Variants in AZIN2 observed in about 807,000 individuals in gnomAD.
AZIN2 encodes antizyme inhibitor 2.
Under a neutral mutation model 47.8 loss-of-function variants are expected in AZIN2, and 28 were observed. The ratio of observed to expected loss-of-function variants is 0.59; its 90% CI spans 0.43 to 0.80. The LOEUF (loss-of-function observed/expected upper bound fraction) is 0.80. Among genes scored for constraint, AZIN2 ranks in the 30% least tolerant of loss-of-function variants. AZIN2 has a pLI of 0.00. For synonymous variants in AZIN2, 221 were observed against 239.4 expected (o/e 0.92, Z 0.71); for missense variants, 535 against 582.5 (o/e 0.92, Z 0.84).
chr1:33,138,330 G>C, the AZIN2 span, among the ~76,000 whole-genome samples: 7 of 152,122 alleles, frequency 4.6e-5, no homozygotes, highest in Non-Finnish European at 8.8e-5. Flanking sequence ...TGGAACAATA[G>C]GCAAAGTGGT....
Position 33,093,396 on chromosome 1 carries a change from T to C in AZIN2, c.567T>C (p.His189=), listed in dbSNP as rs760242294. ...RHLLENAKKH[H]VEVVGVSFHI... is the part of the protein sequence containing the mutation. ...TGCTTGAAAATGCGAAGAAGCACCA[T>C]GTGGAGGTGGTGGGTGTGAGGTGAG... Residue 189 remains histidine (H), a synonymous_variant, in exon 7 of 12, where the codon CAT becomes CAC. Transcript: ENST00000294517. 4.5e-5 allele frequency: 73 copies of C among 1,613,826 alleles called. No homozygotes were observed. Among genetic ancestry groups the C allele is most frequent in the Non-Finnish European group, 5.9e-5 (70 of 1,179,912 alleles).
At chr1:33,132,148 G>A in the AZIN2 span, among the ~76,000 whole-genome samples, 1 of 152,194 alleles carries the variant, frequency 6.6e-6, no homozygotes, top group African/African-American at 2.4e-5. Flanking sequence ...TCTGGATCCA[G>A]CTGCTACGGC....
the AZIN2 span, among the ~76,000 whole-genome samples, chr1:33,152,899 C>T: frequency 0.017 from 2,549 of 152,148 alleles, 69 homozygotes; most frequent in African/African-American, 0.058. Flanking sequence ...GCAGGCTGCT[C>T]CTGGTGTCCT....
the AZIN2 span, among the ~76,000 whole-genome samples, chr1:33,137,990 A>C: frequency 3.0e-4 from 46 of 152,258 alleles, no homozygotes; most frequent in Middle Eastern, 3.4e-3. Context: ...GTGGGCTTCT[A>C]CTTACTGCAC....
At chr1:33,145,785 C>T in the AZIN2 span, 315 of 457,916 alleles carry the variant, frequency 6.9e-4, 1 homozygote, top group Admixed American at 1.8e-3. Context: ...TCCACCCTCT[C>T]CCGAGTTCTT....
intron 8 of AZIN2, among the ~76,000 whole-genome samples, chr1:33,095,247 C>T (rs530186573): frequency 6.6e-6 from 1 of 152,300 alleles, no homozygotes; most frequent in South Asian, 2.1e-4. Context: ...TAGGAATTGA[C>T]CTTACAGAAA....
Position 33,110,379 on chromosome 1 carries a change from A to C in AZIN2, c.1030-7523A>C, listed in dbSNP as rs1051123265. Reference sequence around the variant, plus strand: ...AAAAATCACAACATACAAAGAAACAAGTCATCGTGAGGAAGAACCGCAAAA... The same window carrying C: ...AAAAATCACAACATACAAAGAAACACGTCATCGTGAGGAAGAACCGCAAAA... On this transcript the variant is annotated intron_variant, in intron 10 of 11. Transcript: ENST00000294517. 1.1e-4 allele frequency among the ~76,000 whole-genome samples: 17 copies of C among 152,360 alleles called. 1 individual carries two copies. In the South Asian group the frequency reaches 1.9e-3, roughly 17 times the overall value.
At position 33,082,338 on chromosome 1, in the gene AZIN2, C is replaced by T; in HGVS notation, c.89C>T (p.Ala30Val). 1 of 1,613,644 alleles carries T rather than the reference C, an allele frequency of 6.2e-7. No individual in the cohort carries two copies. Among genetic ancestry groups the T allele is most frequent in the Non-Finnish European group, 8.5e-7 (1 of 1,179,800 alleles). Residue 30 changes from alanine (A) to valine (V), a missense_variant, in exon 4 of 12, where the codon GCC becomes GTC. Coordinates refer to ENST00000294517, the MANE Select transcript of AZIN2 (RefSeq NM_052998.4). Reference sequence around the variant, plus strand: ...CTGCTGAAGGAACTCACTCTGGGGGCCTCACAGGCCACCACGGTGAGGGGC... The same window carrying T: ...CTGCTGAAGGAACTCACTCTGGGGGTCTCACAGGCCACCACGGTGAGGGGC... ...RDLLKELTLG[A>V]SQATTDEVAA...
At chr1:33,126,021 A>G (rs868316841), downstream of AZIN2, among the ~76,000 whole-genome samples, 2 of 152,172 alleles carry the variant, frequency 1.3e-5, no homozygotes, top group South Asian at 4.1e-4. Context: ...AAAAAACTGT[A>G]ACATTTCCAT....
chr1:33,139,160 C>T, the AZIN2 span, among the ~76,000 whole-genome samples: 1 of 152,172 alleles, frequency 6.6e-6, no homozygotes, highest in Non-Finnish European at 1.5e-5. Context: ...TTCCTAGTCT[C>T]TGCCTCTTTT....
chr1:33,083,918 A>G (rs1641576894), intron 4 of AZIN2, 36 bp from the exon 5 acceptor site: 2 of 1,612,772 alleles, frequency 1.2e-6, no homozygotes, highest in Admixed American at 3.3e-5. Flanking sequence ...TGCGAGCTGG[A>G]TGGGGTCTCA....
the AZIN2 span, among the ~76,000 whole-genome samples, chr1:33,143,464 T>G: frequency 6.6e-6 from 1 of 152,112 alleles, no homozygotes; most frequent in African/African-American, 2.4e-5. Context: ...GGGGAGGGCT[T>G]GGGATACTCT....
At chr1:33,106,494 T>C (rs1202263750) in intron 10 of AZIN2, among the ~76,000 whole-genome samples, 3 of 152,086 alleles carry the variant, frequency 2.0e-5, no homozygotes, top group Admixed American at 6.5e-5. Context: ...TTCACAGATA[T>C]GCAAAAATCC....
the AZIN2 span, chr1:33,158,326 G>A: frequency 1.2e-6 from 2 of 1,614,046 alleles, no homozygotes; most frequent in South Asian, 1.1e-5. Context: ...AGGTCGGGAA[G>A]TCTTCATATG....
the AZIN2 span, among the ~76,000 whole-genome samples, chr1:33,134,301 T>C: frequency 6.6e-6 from 1 of 152,250 alleles, no homozygotes; most frequent in Non-Finnish European, 1.5e-5. Flanking sequence ...AGATGGGAAA[T>C]CTGAGGCTAT....
downstream of AZIN2, among the ~76,000 whole-genome samples, chr1:33,126,292 G>T (rs1036023489): frequency 5.3e-5 from 8 of 152,152 alleles, no homozygotes; most frequent in African/African-American, 1.4e-4. Context: ...TTCATTAGGG[G>T]TTCCATCTCC....
chr1:33,147,535 A>G, the AZIN2 span: 1 of 1,613,776 alleles, frequency 6.2e-7, no homozygotes, highest in Non-Finnish European at 8.5e-7. This position sits in a 1 kb window ranked among gnomAD's most constrained non-coding sequence, Gnocchi z 8.1. Flanking sequence ...CTTCTCCGCC[A>G]CCACCACCTC....
chr1:33,119,758 C>T (rs536141979), intron 11 of AZIN2: 5 of 490,696 alleles, frequency 1.0e-5, no homozygotes, highest in Admixed American at 3.5e-5. Flanking sequence ...TAATGCCTCC[C>T]TCATGGGGTT....
At chr1:33,135,152 T>C in the AZIN2 span, among the ~76,000 whole-genome samples, 1 of 152,172 alleles carries the variant, frequency 6.6e-6, no homozygotes, top group Non-Finnish European at 1.5e-5. Flanking sequence ...TAGCCGGGCA[T>C]GGTGGCACGT....
Sources: gnomAD v4.1 joint callset for allele counts (sites outside exome capture counted in the v4.1 genomes callset) on GRCh38, gnomAD v4.1.1 for gene constraint, Gnocchi (gnomAD v3.1) non-coding constraint, MANE v1.5 for transcripts, NCBI Gene and HGNC (gene_info 2026-07-23, HGNC 2026-07-21) for gene names.